Variants in LDB2 observed in about 807,000 individuals in gnomAD.
LDB2 encodes the protein LIM domain binding 2, also known as LIM domain-binding protein 2.
A neutral mutation model predicts 44.3 loss-of-function variants in LDB2; 12 were observed. That is an observed-to-expected ratio of 0.27 (90% CI 0.17 to 0.44). The LOEUF (loss-of-function observed/expected upper bound fraction) is 0.44. LDB2 is among the 20% of genes least tolerant of loss of function. The probability of loss-of-function intolerance (pLI) is 1.00; values close to 1 mark genes in which losing one functional copy is unlikely to be tolerated. For synonymous variants in LDB2, 164 were observed against 174.8 expected, an observed-to-expected ratio of 0.94 and a Z score of 0.49; for missense variants, 344 against 473.5, an observed-to-expected ratio of 0.73 and a Z score of 2.54.
intron 2 of LDB2, among the ~76,000 whole-genome samples, chr4:16,744,880 G>T (rs1355461165): frequency 6.6e-6 from 1 of 152,038 alleles, no homozygotes; most frequent in Non-Finnish European, 1.5e-5. Flanking sequence ...TCAATTTTTT[G>T]GTTTGTTAGC....
At chr4:16,666,561 C>T (rs957049372) in intron 2 of LDB2, among the ~76,000 whole-genome samples, 1 of 152,148 alleles carries the variant, frequency 6.6e-6, no homozygotes, top group Non-Finnish European at 1.5e-5. Context: ...AGTGTTGCTT[C>T]ATGTTAAAGA....
intron 1 of LDB2, among the ~76,000 whole-genome samples, chr4:16,862,494 G>A (rs1454485588): frequency 2.0e-5 from 3 of 151,810 alleles, no homozygotes; most frequent in South Asian, 2.1e-4. Context: ...TTAGCTAGGC[G>A]TGATAGTGGA....
At chr4:16,518,380 A>G (rs1483842358) in intron 5 of LDB2, among the ~76,000 whole-genome samples, 4 of 151,766 alleles carry the variant, frequency 2.6e-5, no homozygotes, top group African/African-American at 9.7e-5. Context: ...TTTTAATTCC[A>G]TGTTTTTTGT....
chr4:16,509,509 A>C (rs997266037), intron 6 of LDB2, among the ~76,000 whole-genome samples: 1 of 152,202 alleles, frequency 6.6e-6, no homozygotes, highest in Non-Finnish European at 1.5e-5. Context: ...GTGATAAGAG[A>C]AATATTCTTT....
chr4:16,511,843 C>T, intron 6 of LDB2, 138 bp downstream of exon 6: 2 of 967,314 alleles, frequency 2.1e-6, no homozygotes, highest in Admixed American at 2.6e-5. Flanking sequence ...TTTATGTCCA[C>T]AACCATGGTC....
chr4:16,857,454 A>C (rs1213154541), intron 1 of LDB2, among the ~76,000 whole-genome samples: 3 of 152,140 alleles, frequency 2.0e-5, no homozygotes, highest in Non-Finnish European at 4.4e-5. Flanking sequence ...GCATTACACA[A>C]AGTTTAATTC....
chr4:16,538,667 C>T (rs1276086969), intron 5 of LDB2, among the ~76,000 whole-genome samples: 1 of 152,280 alleles, frequency 6.6e-6, no homozygotes, highest in African/African-American at 2.4e-5. Flanking sequence ...AATCTTCCCC[C>T]AAAGTCTTAG....
At chr4:16,637,463 T>C (rs1459095425) in intron 2 of LDB2, among the ~76,000 whole-genome samples, 2 of 152,060 alleles carry the variant, frequency 1.3e-5, no homozygotes, top group South Asian at 2.1e-4. Context: ...ATTCATTAAT[T>C]CCACAAGTCT....
At chr4:16,787,151 T>C (rs890307097) in intron 1 of LDB2, among the ~76,000 whole-genome samples, 1 of 152,200 alleles carries the variant, frequency 6.6e-6, no homozygotes, top group African/African-American at 2.4e-5. Context: ...TGAAGAGGCA[T>C]TTATTTAGGT....
At chr4:16,724,584 T>C (rs961555679) in intron 2 of LDB2, among the ~76,000 whole-genome samples, 1 of 151,994 alleles carries the variant, frequency 6.6e-6, no homozygotes, top group African/African-American at 2.4e-5. Context: ...GGTAAATCTA[T>C]AGTATCAAGT....
At chr4:16,644,852 T>G (rs937875931) in intron 2 of LDB2, among the ~76,000 whole-genome samples, 1 of 152,238 alleles carries the variant, frequency 6.6e-6, no homozygotes, top group Non-Finnish European at 1.5e-5. Flanking sequence ...TATCAGATAT[T>G]CAGGTCAAGT....
intron 2 of LDB2, among the ~76,000 whole-genome samples, chr4:16,640,024 A>G (rs2152507881): frequency 6.6e-6 from 1 of 152,302 alleles, no homozygotes; most frequent in Non-Finnish European, 1.5e-5. Context: ...ATTTTCATCT[A>G]TCCATCTGTC....
chr4:16,508,773 T>C, intron 6 of LDB2, 87 bp from the exon 7 acceptor site: 1 of 1,309,830 alleles, frequency 7.6e-7, no homozygotes, highest in Non-Finnish European at 1.0e-6. Flanking sequence ...GGAAGCTGTC[T>C]TGGTAAACTG....
intron 5 of LDB2, among the ~76,000 whole-genome samples, chr4:16,562,236 A>G (rs1165139986): frequency 6.6e-6 from 1 of 152,200 alleles, no homozygotes; most frequent in African/African-American, 2.4e-5. Context: ...AATTAAACTA[A>G]AGGGCTTCTG....
intron 2 of LDB2, among the ~76,000 whole-genome samples, chr4:16,734,105 A>G (rs1250873029): frequency 1.3e-5 from 2 of 152,144 alleles, no homozygotes; most frequent in Admixed American, 1.3e-4. Flanking sequence ...TCACCTTTTA[A>G]AGTTGTTGGC....
chr4:16,831,592 T>TA (rs750474962), intron 1 of LDB2, among the ~76,000 whole-genome samples: 2 of 152,150 alleles, frequency 1.3e-5, no homozygotes, highest in African/African-American at 2.4e-5. Context: ...CCAAGGAGCA[T>TA]TTCTAAATGA....
intron 4 of LDB2, among the ~76,000 whole-genome samples, chr4:16,588,110 T>G (rs1246817031): frequency 2.6e-5 from 4 of 152,148 alleles, no homozygotes; most frequent in Admixed American, 2.6e-4. Flanking sequence ...AGCTCCTACT[T>G]ACATTTAAAA....
chr4:16,694,048 G>A (rs1327466157), intron 2 of LDB2, among the ~76,000 whole-genome samples: 1 of 152,202 alleles, frequency 6.6e-6, no homozygotes, highest in Non-Finnish European at 1.5e-5. Flanking sequence ...AAGCAGAAAA[G>A]TGGGGCTGCA....
At chr4:16,774,140 T>G (rs1771348367) in intron 1 of LDB2, among the ~76,000 whole-genome samples, 1 of 117,226 alleles carries the variant, frequency 8.5e-6, no homozygotes, top group Non-Finnish European at 1.6e-5. Context: ...GGCAACAGAG[T>G]GAGACTCCGT....
Sources: gnomAD v4.1 joint callset for allele counts (sites outside exome capture counted in the v4.1 genomes callset) on GRCh38, gnomAD v4.1.1 for gene constraint, MANE v1.5 for transcripts, NCBI Gene and HGNC (gene_info 2026-07-23, HGNC 2026-07-21) for gene names.